Variants in RILPL1 observed in about 807,000 individuals in gnomAD.
RILPL1 encodes the protein Rab interacting lysosomal protein like 1, also known as RILP-like protein 1.
A neutral mutation model predicts 50.3 loss-of-function variants in RILPL1; 33 were observed. The ratio of observed to expected loss-of-function variants is 0.66; its 90% CI spans 0.50 to 0.88. The LOEUF (loss-of-function observed/expected upper bound fraction) is 0.88. RILPL1 is among the 40% of genes least tolerant of loss of function. The probability of loss-of-function intolerance (pLI) is 0.00; values close to 1 mark genes in which losing one functional copy is unlikely to be tolerated. For synonymous variants in RILPL1, 205 were observed against 228.6 expected (o/e 0.90, Z 0.93); for missense variants, 418 against 542.5 (o/e 0.77, Z 2.28).
chr12:123,499,529 T>C lies in RILPL1; in HGVS notation c.468A>G (p.Ser156=), dbSNP rs768219469. 20 of 1,613,162 alleles carry C rather than the reference T, an allele frequency of 1.2e-5. No individual in the cohort carries two copies. The highest frequency in any genetic ancestry group is 1.7e-5 in the Non-Finnish European group (20 of 1,179,244). ...TCTTCATCACCTGTCGCTCCCGCTC[T>C]GACATGCCTGGGTGGGCAAGTGAGA... is the stretch of plus-strand genomic sequence containing the variant. ...EEEFQKHEGM[S]ERERQVMKKL... The change falls in exon 3 of 7, where the codon TCA becomes TCG. Residue 156 remains serine, a synonymous_variant. Transcript: ENST00000376874.
chr12:123,472,578 C>A lies in RILPL1; in HGVS notation c.1172G>T (p.Gly391Val). ...GGCTTCCTGTCCTTGCTCTGTGTAA[C>A]CGTCATCGCGGTGGGTGTTTGCCCA... ...GQWANTHRDD[G>V]YTEQGQEALQ... Residue 391 changes from glycine (G) to valine (V), a missense_variant, in exon 7 of 7, where the codon GGT becomes GTT. Physicochemically the swap from Gly to Val is moderately radical, Grantham distance 109. Coordinates refer to ENST00000376874, the MANE Select transcript of RILPL1 (RefSeq NM_178314.5). 1 of 1,555,452 alleles carries A rather than the reference C, an allele frequency of 6.4e-7. No individual in the cohort carries two copies. The highest frequency in any genetic ancestry group is 8.7e-7 in the Non-Finnish European group (1 of 1,148,926).
intron 4 of RILPL1, among the ~76,000 whole-genome samples, chr12:123,497,127 C>T (rs75279302): frequency 1.3e-5 from 2 of 152,210 alleles, no homozygotes; most frequent in Non-Finnish European, 2.9e-5. Context: ...GGCTGCATTC[C>T]TCTTTAGAGC....
chr12:123,516,007 C>T (rs1884667615), intron 2 of RILPL1, among the ~76,000 whole-genome samples: 1 of 137,614 alleles, frequency 7.3e-6, no homozygotes, highest in African/African-American at 2.8e-5. Flanking sequence ...TCACTCCAGC[C>T]TGGGCCACAG....
Position 123,488,951 on chromosome 12 carries a change from G to A in RILPL1, c.802-3146C>T, listed in dbSNP as rs1005648725. 3.9e-5 allele frequency among the ~76,000 whole-genome samples: 6 copies of A among 152,126 alleles called. No individual in the cohort carries two copies. In the East Asian group the frequency reaches 7.7e-4, roughly 20 times the overall value. On this transcript the variant is annotated intron_variant, in intron 4 of 6. Transcript: ENST00000376874. ...TCCTCAGAGGACATCTTCAATGTCCGATCTCCTCTGCAGCGCCTCCAGGGA... is the reference window on the plus strand; with the variant it reads ...TCCTCAGAGGACATCTTCAATGTCCAATCTCCTCTGCAGCGCCTCCAGGGA...
At chr12:123,502,086 A>G (rs1006192269) in intron 2 of RILPL1, among the ~76,000 whole-genome samples, 1 of 152,050 alleles carries the variant, frequency 6.6e-6, no homozygotes, top group Admixed American at 6.6e-5. Context: ...GTCTCAAAAA[A>G]AAAAAAAAAA....
At position 123,531,482 on chromosome 12, in the gene RILPL1, C is replaced by T. The variant is rs540894206; in HGVS notation, c.309+1692G>A. Among the ~76,000 whole-genome samples, 6 of 152,236 alleles carry T rather than the reference C, an allele frequency of 3.9e-5. No homozygotes were observed. In the East Asian group the frequency reaches 7.7e-4, roughly 20 times the overall value. ...GTCCCTGTTAATAAGAGGCGCCACACGAGAGAATTTCCAAGGTCCCTTGCC... is the reference window on the plus strand; with the variant it reads ...GTCCCTGTTAATAAGAGGCGCCACATGAGAGAATTTCCAAGGTCCCTTGCC... On this transcript the variant is annotated intron_variant, in intron 1 of 6. Transcript: ENST00000376874.
chr12:123,523,779 G>T, intron 1 of RILPL1, 134 bp from the exon 2 acceptor site: 2 of 986,520 alleles, frequency 2.0e-6, no homozygotes, highest in Non-Finnish European at 3.0e-6. Flanking sequence ...GGGCCGGCAA[G>T]GCCACCACGA....
intron 3 of RILPL1, 99 bp downstream of exon 3, chr12:123,499,319 G>C (rs2139339430): frequency 2.5e-6 from 2 of 789,438 alleles, no homozygotes; most frequent in Non-Finnish European, 4.4e-6. Flanking sequence ...CCAAGAATGA[G>C]AGTGAGGGAG....
chr12:123,518,526 C>T (rs961240195), intron 2 of RILPL1: 11 of 207,652 alleles, frequency 5.3e-5, no homozygotes, highest in East Asian at 1.7e-4. Context: ...GGGAGAATGG[C>T]GGTTAAGATG....
At chr12:123,500,214 G>GCCA (rs1883287637) in intron 2 of RILPL1, among the ~76,000 whole-genome samples, 1 of 150,384 alleles carries the variant, frequency 6.6e-6, no homozygotes, top group African/African-American at 2.4e-5. Flanking sequence ...ACAGGCGTGA[G>GCCA]CCACCGCGCC....
chr12:123,523,875 T>G (rs532890279), intron 1 of RILPL1, among the ~76,000 whole-genome samples: 1 of 152,344 alleles, frequency 6.6e-6, no homozygotes, highest in South Asian at 2.1e-4. Context: ...CCTGGCTCAG[T>G]TAGAACTGCC....
intron 1 of RILPL1, among the ~76,000 whole-genome samples, chr12:123,525,919 A>G (rs984565366): frequency 7.2e-6 from 1 of 139,550 alleles, no homozygotes; most frequent in Non-Finnish European, 1.6e-5. Flanking sequence ...CACCCCCGCA[A>G]AAAACAAACA....
chr12:123,484,084 A>G (rs1882167666), intron 6 of RILPL1, 96 bp downstream of exon 6: 2 of 750,664 alleles, frequency 2.7e-6, no homozygotes, highest in Non-Finnish European at 4.5e-6. Context: ...GTTAGTCACA[A>G]GCCTGGCCCT....
chr12:123,533,305 C>G lies in RILPL1; in HGVS notation c.178G>C (p.Val60Leu). ...ACCAGCACCTCCAGGATCTCCAGGA[C>G]GCGCACGACCTTGGGCATGAGGCGC... ...IARLMPKVVR[V>L]LEILEVLVSR... is the part of the protein sequence containing the mutation. The change falls in exon 1 of 7, where the codon GTC (valine) becomes CTC (leucine). Residue 60 changes from valine (V) to leucine (L), a missense_variant. Physicochemically the swap from Val to Leu is conservative, Grantham distance 32 (BLOSUM62 1). Transcript: ENST00000376874. The surrounding 1 kb of genome is among the most constrained non-coding windows in gnomAD (Gnocchi z 6.2). The G allele has an allele frequency of 6.3e-7, 1 of 1,583,494 alleles. No homozygotes were observed. The highest frequency in any genetic ancestry group is 8.6e-7 in the Non-Finnish European group (1 of 1,168,938).
chr12:123,486,312 C>T (rs995027214), intron 4 of RILPL1, among the ~76,000 whole-genome samples: 2 of 152,122 alleles, frequency 1.3e-5, no homozygotes, highest in Admixed American at 1.3e-4. Context: ...CTCTCCTCCC[C>T]AGTGGCTTTG....
At chr12:123,499,374 T>C (rs1403835799) in intron 3 of RILPL1, 44 bp downstream of exon 3, 2 of 1,397,706 alleles carry the variant, frequency 1.4e-6, no homozygotes, top group African/African-American at 2.8e-5. Context: ...GGCTGGCACC[T>C]ACTGGCTGGG....
At chr12:123,513,224 CGTGT>C (rs1477180343) in intron 2 of RILPL1, 2 of 249,020 alleles carry the variant, frequency 8.0e-6, no homozygotes, top group Admixed American at 9.7e-5. Context: ...ATGTGTGTGT[CGTGT>C]GTGTTTGGGG....
In RILPL1 at chr12:123,484,226, C is replaced by T. The variant is rs749817152; in HGVS notation, c.1021G>A (p.Ala341Thr). ...ENRIPQPPPI[A>T]HPRTSPQPES... ...GGCTGGGGGGACGTCCTCGGGTGGG[C>T]GATGGGTGGGGGTTGGGGTATTCGG... Residue 341 changes from alanine (A) to threonine (T), a missense_variant, in exon 6 of 7, where the codon GCC (alanine) becomes ACC (threonine). Transcript: ENST00000376874. 1.5e-5 allele frequency: 24 copies of T among 1,596,414 alleles called. No homozygotes were observed. Among genetic ancestry groups the T allele is most frequent in the African/African-American group, 4.0e-5 (3 of 74,406 alleles).
intron 2 of RILPL1, among the ~76,000 whole-genome samples, chr12:123,521,036 T>C (rs1467555473): frequency 2.0e-5 from 3 of 152,238 alleles, no homozygotes; most frequent in Non-Finnish European, 4.4e-5. Context: ...TAACTTGCTG[T>C]GTGACCTTGA....
Sources: allele counts gnomAD v4.1 joint callset (sites outside exome capture counted in the v4.1 genomes callset), GRCh38; gene constraint gnomAD v4.1.1; non-coding constraint Gnocchi (gnomAD v3.1); transcripts MANE v1.5; gene names NCBI Gene and HGNC (gene_info 2026-07-23, HGNC 2026-07-21).